The following BACH2 variants were observed in gnomAD, a reference collection of about 807,000 sequenced individuals.
BACH2 encodes the protein BACH transcriptional regulator 2, also known as transcription regulator protein BACH2.
A neutral mutation model predicts 61.8 loss-of-function variants in BACH2; 5 were observed. That is an observed-to-expected ratio of 0.08 (90% CI 0.04 to 0.17). The LOEUF (loss-of-function observed/expected upper bound fraction) is 0.17, where lower values mean the gene tolerates loss of function less well. Ranked by LOEUF, BACH2 falls within the 10% of genes least tolerant of loss-of-function variation. The probability of loss-of-function intolerance (pLI) is 1.00; values close to 1 mark genes in which losing one functional copy is unlikely to be tolerated. For missense variants in BACH2, 824 were observed against 1,091.1 expected (o/e 0.76, Z 3.45); for synonymous variants, 446 against 440.1 (o/e 1.01, Z -0.17).
rs1771336728 is a variant in BACH2, at chr6:90,266,488, G to T, written c.-353+5361C>A. ...GGGCAATTGTTCACAGCAGCCAAAA[G>T]GTGGAAACAACCCTAATATCAACTG... On this transcript the variant is annotated intron_variant, in intron 2 of 8. Coordinates refer to ENST00000257749, the MANE Select transcript of BACH2 (RefSeq NM_021813.4). Among the ~76,000 whole-genome samples, 3 of 152,002 alleles carry T rather than the reference G, an allele frequency of 2.0e-5. No homozygotes were observed. In the South Asian group the frequency reaches 6.2e-4, roughly 32 times the overall value.
intron 3 of BACH2, among the ~76,000 whole-genome samples, chr6:90,236,927 G>A (rs1254659942): frequency 1.3e-5 from 2 of 151,970 alleles, no homozygotes; most frequent in Non-Finnish European, 2.9e-5. Flanking sequence ...GAAGGCCAAT[G>A]TTCTTATTTT....
chr6:90,067,656 C>A (rs1301632179), intron 5 of BACH2, among the ~76,000 whole-genome samples: 1 of 152,132 alleles, frequency 6.6e-6, no homozygotes, highest in Non-Finnish European at 1.5e-5. Flanking sequence ...GAAATGAGAA[C>A]ATAGACTGAC....
At chr6:89,935,219 T>A (rs985468731) in intron 8 of BACH2, among the ~76,000 whole-genome samples, 2 of 151,982 alleles carry the variant, frequency 1.3e-5, no homozygotes, top group Admixed American at 1.3e-4. Context: ...GGACATAGCA[T>A]CCTCACCACA....
At chr6:90,133,873 A>C (rs1341632572) in intron 4 of BACH2, among the ~76,000 whole-genome samples, 3 of 151,632 alleles carry the variant, frequency 2.0e-5, no homozygotes, top group African/African-American at 7.3e-5. Context: ...ACATGAACTC[A>C]TCATTTTTTA....
At position 89,927,449 on chromosome 6, in the gene BACH2, G is replaced by A. The variant is rs997929206; in HGVS notation, c.*4959C>T. Reference sequence around the variant, plus strand: ...CATATGCGTCTGATTATTCCCATGGGAGCACTTGGCACTGAATGTGAGTCT... The same window carrying A: ...CATATGCGTCTGATTATTCCCATGGAAGCACTTGGCACTGAATGTGAGTCT... On this transcript the variant is annotated 3_prime_UTR_variant, in exon 9 of 9. Coordinates refer to ENST00000257749, the MANE Select transcript of BACH2 (RefSeq NM_021813.4). 6.5e-6 allele frequency: 1 copy of A among 152,780 alleles called. No individual in the cohort carries two copies. The highest frequency in any genetic ancestry group is 2.4e-5 in the African/African-American group (1 of 41,448). The allele number at this position is 152,780 out of a possible 1,614,324, so 9.5% of individuals were successfully genotyped here. A position where few individuals can be genotyped will look rare whatever the true frequency, so the allele number is the denominator to read the frequency against.
intron 2 of BACH2, among the ~76,000 whole-genome samples, chr6:90,256,583 G>T (rs886232464): frequency 6.6e-6 from 1 of 152,186 alleles, no homozygotes. Flanking sequence ...ACTTGTGTTA[G>T]AACAGTGAAA....
At chr6:89,935,547 CA>C (rs1157925911) in intron 8 of BACH2, among the ~76,000 whole-genome samples, 6 of 152,146 alleles carry the variant, frequency 3.9e-5, no homozygotes, top group Admixed American at 1.3e-4. Context: ...ATGAAGCTCT[CA>C]GTCACAGACG....
chr6:90,041,578 C>A (rs1215148349), intron 5 of BACH2, among the ~76,000 whole-genome samples: 3 of 152,036 alleles, frequency 2.0e-5, no homozygotes, highest in African/African-American at 7.2e-5. Context: ...TAGAATTTTA[C>A]AATTGTGTTC....
intron 4 of BACH2, among the ~76,000 whole-genome samples, chr6:90,172,166 C>T (rs572276334): frequency 3.9e-5 from 6 of 151,904 alleles, no homozygotes; most frequent in African/African-American, 1.4e-4. Context: ...ATTAGCTGGG[C>T]GTGGTGGCAT....
At chr6:90,032,792 A>G (rs1779063302) in intron 5 of BACH2, among the ~76,000 whole-genome samples, 1 of 152,216 alleles carries the variant, frequency 6.6e-6, no homozygotes, top group Non-Finnish European at 1.5e-5. Flanking sequence ...TGTGGAAGTC[A>G]GTGTGGCGAT....
At chr6:90,264,629 T>C (rs1771267015) in intron 2 of BACH2, among the ~76,000 whole-genome samples, 1 of 152,194 alleles carries the variant, frequency 6.6e-6, no homozygotes, top group South Asian at 2.1e-4. Flanking sequence ...AAAAGACATG[T>C]TGTTGTCCTC....
intron 5 of BACH2, among the ~76,000 whole-genome samples, chr6:90,032,125 A>G (rs1779019916): frequency 6.6e-6 from 1 of 152,078 alleles, no homozygotes; most frequent in African/African-American, 2.4e-5. Context: ...CTATTTAATA[A>G]ATGGTGCTGG....
At position 89,929,332 on chromosome 6, in the gene BACH2, G is replaced by T. The variant is rs551700408; in HGVS notation, c.*3076C>A. 8 of 152,460 alleles carry T rather than the reference G, an allele frequency of 5.2e-5. No homozygotes were observed. The South Asian group carries it at 1.4e-3, about 28-fold the overall frequency. The allele number at this position is 152,460 out of a possible 1,614,324, so 9.4% of individuals were successfully genotyped here. ...TGACAGAGGGATCCCAGGGAAAAGA[G>T]ACAGGCTAGGTTTTAAAATTCCACT... On this transcript the variant is annotated 3_prime_UTR_variant, in exon 9 of 9. Transcript: ENST00000257749.
chr6:89,929,098 GTCAC>G lies in BACH2; in HGVS notation c.*3306_*3309del, dbSNP rs67715735. 35,417 of 151,616 alleles carry G rather than the reference GTCAC, an allele frequency of 0.23. 4,393 individuals are homozygous for G. The highest frequency in any genetic ancestry group is 0.43 in the East Asian group (2,245 of 5,198). 9.4% of individuals were successfully genotyped at this position (151,616 alleles called of 1,614,324 possible). ...AGGTGGGATGTTCATTAGTCTCAGGGTCACTCACCTCCACTGGCTCTGCCCCAAC... is the reference window on the plus strand; with the variant it reads ...AGGTGGGATGTTCATTAGTCTCAGGGTCACCTCCACTGGCTCTGCCCCAAC... On this transcript the variant is annotated 3_prime_UTR_variant, in exon 9 of 9. Coordinates refer to ENST00000257749, the MANE Select transcript of BACH2 (RefSeq NM_021813.4).
chr6:90,046,417 C>A (rs752653036), intron 5 of BACH2, among the ~76,000 whole-genome samples: 1 of 152,178 alleles, frequency 6.6e-6, no homozygotes, highest in Non-Finnish European at 1.5e-5. Context: ...AAACTGAATT[C>A]TGAAGGACAA....
At chr6:90,163,822 A>T (rs1436952925) in intron 4 of BACH2, among the ~76,000 whole-genome samples, 1 of 152,216 alleles carries the variant, frequency 6.6e-6, no homozygotes, top group Non-Finnish European at 1.5e-5. Flanking sequence ...ACAGTCTAAG[A>T]CACATAATAT....
At chr6:90,118,537 A>G (rs1045385575) in intron 4 of BACH2, among the ~76,000 whole-genome samples, 1 of 152,204 alleles carries the variant, frequency 6.6e-6, no homozygotes, top group Non-Finnish European at 1.5e-5. Flanking sequence ...TGTTCTATCT[A>G]TATGTACCTC....
chr6:90,250,146 T>C (rs928902774), intron 3 of BACH2, among the ~76,000 whole-genome samples: 3 of 152,220 alleles, frequency 2.0e-5, no homozygotes, highest in African/African-American at 2.4e-5. Flanking sequence ...ATGATTCATA[T>C]ATGCCTTAAG....
intron 3 of BACH2, among the ~76,000 whole-genome samples, chr6:90,238,687 C>T: frequency 6.6e-6 from 1 of 152,184 alleles, no homozygotes; most frequent in Non-Finnish European, 1.5e-5. Context: ...GGCTTTCCAA[C>T]CACAGCTGCT....
Sources: allele counts gnomAD v4.1 joint callset (sites outside exome capture counted in the v4.1 genomes callset), GRCh38; gene constraint gnomAD v4.1.1; transcripts MANE v1.5; gene names NCBI Gene and HGNC (gene_info 2026-07-23, HGNC 2026-07-21).